The following BMPER variants were observed in gnomAD, a reference collection of about 807,000 sequenced individuals.
The protein encoded by BMPER is BMP binding endothelial regulator.
In BMPER, 45 loss-of-function variants were observed where a neutral mutation model predicts 87.3. The ratio of observed to expected loss-of-function variants is 0.52; its 90% CI spans 0.41 to 0.66. The LOEUF is 0.66. Among genes scored for constraint, BMPER ranks in the 30% least tolerant of loss-of-function variants. The pLI, the probability that BMPER is intolerant of heterozygous loss-of-function variation, is 0.00. For synonymous variants in BMPER, 326 were observed against 316.2 expected, an observed-to-expected ratio of 1.03 and a Z score of -0.33; for missense variants, 784 against 867.5, an observed-to-expected ratio of 0.90 and a Z score of 1.21.
At chr7:34,045,809 T>C (rs888880074) in intron 6 of BMPER, among the ~76,000 whole-genome samples, 3 of 152,112 alleles carry the variant, frequency 2.0e-5, no homozygotes, top group Admixed American at 6.5e-5. Context: ...GGAAGATGTC[T>C]ACAGAACCTA....
At chr7:34,040,549 G>C (rs1787805597) in intron 6 of BMPER, among the ~76,000 whole-genome samples, 1 of 151,906 alleles carries the variant, frequency 6.6e-6, no homozygotes, top group South Asian at 2.1e-4. Context: ...CAAGAGTCCT[G>C]TGGGTGATTC....
At chr7:34,019,153 C>T (rs931005732) in intron 6 of BMPER, among the ~76,000 whole-genome samples, 3 of 151,996 alleles carry the variant, frequency 2.0e-5, no homozygotes, top group East Asian at 1.9e-4. Flanking sequence ...CCTGCAGGAT[C>T]GCATCACTGT....
intron 6 of BMPER, among the ~76,000 whole-genome samples, chr7:33,983,879 A>G (rs995298117): frequency 1.3e-5 from 2 of 152,222 alleles, no homozygotes; most frequent in African/African-American, 4.8e-5. Context: ...ATCTGGTACA[A>G]GAAATATTGA....
At chr7:33,992,060 G>A (rs1786237056) in intron 6 of BMPER, among the ~76,000 whole-genome samples, 1 of 151,918 alleles carries the variant, frequency 6.6e-6, no homozygotes, top group Non-Finnish European at 1.5e-5. Context: ...TTTGGAATAG[G>A]TGTGGTGTGG....
intron 13 of BMPER, among the ~76,000 whole-genome samples, chr7:34,116,200 C>T (rs537936142): frequency 3.3e-5 from 5 of 152,276 alleles, no homozygotes; most frequent in South Asian, 4.1e-4. Flanking sequence ...AGGGACCTTC[C>T]TGTCTTATTT....
At chr7:34,046,056 A>C (rs377320329) in intron 6 of BMPER, among the ~76,000 whole-genome samples, 7 of 152,200 alleles carry the variant, frequency 4.6e-5, no homozygotes, top group East Asian at 3.9e-4. Context: ...AAAAAGATAA[A>C]GAAAAGTGGT....
At chr7:34,104,809 G>T (rs1157382923) in intron 13 of BMPER, among the ~76,000 whole-genome samples, 1 of 152,112 alleles carries the variant, frequency 6.6e-6, no homozygotes, top group Non-Finnish European at 1.5e-5. Flanking sequence ...TGAGAGAAAG[G>T]ACATGAGATG....
At chr7:34,049,311 CT>C (rs1420281535) in intron 7 of BMPER, among the ~76,000 whole-genome samples, 1 of 152,126 alleles carries the variant, frequency 6.6e-6, no homozygotes, top group African/African-American at 2.4e-5. Flanking sequence ...GCTCCAAGAG[CT>C]TTATATTCAC....
intron 13 of BMPER, among the ~76,000 whole-genome samples, chr7:34,092,676 C>T (rs1789419261): frequency 6.6e-6 from 1 of 152,152 alleles, no homozygotes; most frequent in South Asian, 2.1e-4. Context: ...CCTGTTTGAT[C>T]CATCCAAGTC....
intron 11 of BMPER, among the ~76,000 whole-genome samples, chr7:34,068,410 G>A (rs1788651323): frequency 6.6e-6 from 1 of 152,216 alleles, no homozygotes; most frequent in Admixed American, 6.5e-5. Context: ...TTGGAGACTG[G>A]CGAAGGACCT....
At chr7:33,912,537 G>C (rs531363756) in intron 2 of BMPER, among the ~76,000 whole-genome samples, 2 of 152,292 alleles carry the variant, frequency 1.3e-5, no homozygotes, top group African/African-American at 4.8e-5. Context: ...ATGCAAATAG[G>C]GGGAGGGCAG....
chr7:34,121,437 A>C (rs1790261265), intron 13 of BMPER, among the ~76,000 whole-genome samples: 1 of 152,228 alleles, frequency 6.6e-6, no homozygotes, highest in Non-Finnish European at 1.5e-5. Flanking sequence ...ATAATTTCAA[A>C]GTGAATTCCT....
rs139839743 is a variant in BMPER at position 33,928,289 on chromosome 7, G to A, written c.220-9000G>A. ...TTGTTTGCTTTTGGGAACTGAGCAC[G>A]GTGGCAGAGCTGCATCTGTGACAGG... On this transcript the variant is annotated intron_variant, in intron 2 of 14. Transcript: ENST00000649409. Among the ~76,000 whole-genome samples the A allele has an allele frequency of 1.1e-4, 16 of 152,200 alleles. No individual in the cohort carries two copies. The East Asian group carries it at 3.1e-3, about 29-fold the overall frequency.
At chr7:34,137,938 C>G (rs866785708) in intron 13 of BMPER, among the ~76,000 whole-genome samples, 1 of 152,270 alleles carries the variant, frequency 6.6e-6, no homozygotes, top group African/African-American at 2.4e-5. Context: ...ATAAATCCCT[C>G]TAGGAGGACA....
At position 34,088,473 on chromosome 7, in the gene BMPER, G is replaced by A. The variant is rs79842173; in HGVS notation, c.1745+2381G>A. Among the ~76,000 whole-genome samples, 326 of 152,314 alleles carry A rather than the reference G, an allele frequency of 2.1e-3. 1 individual carries two copies. The highest frequency in any genetic ancestry group is 7.5e-3 in the African/African-American group (311 of 41,578). On this transcript the variant is annotated intron_variant, in intron 13 of 14. Transcript: ENST00000649409. ...AATGTGGAAAGATATTCTCTTCTCA[G>A]TGGAGCTCCAGAAAGGACCTAACCT...
intron 6 of BMPER, among the ~76,000 whole-genome samples, chr7:33,975,411 C>A (rs1443001163): frequency 6.6e-6 from 1 of 152,162 alleles, no homozygotes; most frequent in Non-Finnish European, 1.5e-5. Context: ...ATCAGTGAGA[C>A]AAAGTCACAG....
At chr7:33,938,091 A>C (rs950332008) in intron 3 of BMPER, among the ~76,000 whole-genome samples, 3 of 152,148 alleles carry the variant, frequency 2.0e-5, no homozygotes, top group Admixed American at 1.3e-4. Flanking sequence ...AGAAGCCCAC[A>C]TGGATACCGC....
At chr7:34,082,764 T>A (rs992167511) in intron 12 of BMPER, among the ~76,000 whole-genome samples, 2 of 152,206 alleles carry the variant, frequency 1.3e-5, no homozygotes, top group Non-Finnish European at 2.9e-5. Context: ...AGTATAGCAT[T>A]GTCAGTAGTA....
At chr7:34,073,938 A>G (rs1397361921) in intron 11 of BMPER, among the ~76,000 whole-genome samples, 1 of 152,200 alleles carries the variant, frequency 6.6e-6, no homozygotes, top group African/African-American at 2.4e-5. Flanking sequence ...GGCATGGGCC[A>G]TTGCAGGGCC....
Sources: allele counts gnomAD v4.1 joint callset (sites outside exome capture counted in the v4.1 genomes callset), GRCh38; gene constraint gnomAD v4.1.1; transcripts MANE v1.5; gene names NCBI Gene and HGNC (gene_info 2026-07-23, HGNC 2026-07-21).